PRRC1: variants seen among roughly 807,000 people sequenced by gnomAD.
The protein encoded by PRRC1 is proline rich coiled-coil 1.
PRRC1 carries 39 observed loss-of-function variants against 40.7 expected under a neutral mutation model. The ratio of observed to expected loss-of-function variants is 0.96; its 90% CI spans 0.74 to 1.25. The LOEUF is 1.25. Among genes scored for constraint, PRRC1 ranks in the 50% most tolerant of loss-of-function variants. The pLI, the probability that PRRC1 is intolerant of heterozygous loss-of-function variation, is 0.00. For synonymous variants in PRRC1, 175 were observed against 193.3 expected, an observed-to-expected ratio of 0.91 and a Z score of 0.79; for missense variants, 573 against 548.3, an observed-to-expected ratio of 1.05 and a Z score of -0.45.
intron 4 of PRRC1, among the ~76,000 whole-genome samples, chr5:127,527,757 C>CAAAA (rs11395244): frequency 1.2e-4 from 10 of 80,194 alleles, no homozygotes; most frequent in Admixed American, 5.7e-4. Flanking sequence ...GACACTGTCT[C>CAAAA]AAAAAAAAAA....
chr5:127,547,676 G>T, intron 7 of PRRC1, 143 bp from the exon 8 acceptor site: 1 of 498,154 alleles, frequency 2.0e-6, no homozygotes, highest in Admixed American at 3.7e-5. Context: ...TTTATGAATT[G>T]TCCTTTTGCA....
At chr5:127,544,095 A>G (rs1000140870) in intron 7 of PRRC1, among the ~76,000 whole-genome samples, 2 of 152,226 alleles carry the variant, frequency 1.3e-5, no homozygotes, top group African/African-American at 4.8e-5. Flanking sequence ...TCTAACAGAC[A>G]GGACCCTCAT....
In PRRC1 at chr5:127,549,026, T is replaced by G. The variant is rs1768298847; in HGVS notation, c.1128+1105T>G. ...GGATTTTCTAGGAAAATAGAAGTTT[T>G]GCCATAGTTAAGAGTATTAGGTTGA... On this transcript the variant is annotated intron_variant, in intron 8 of 8. Transcript: ENST00000296666. 3 of 152,206 alleles carry G rather than the reference T, an allele frequency of 2.0e-5. No individual in the cohort carries two copies. The South Asian group carries it at 6.2e-4, about 32-fold the overall frequency. 9.4% of individuals were successfully genotyped at this position (152,206 alleles called of 1,614,324 possible). A position where few individuals can be genotyped will look rare whatever the true frequency, so the allele number is the denominator to read the frequency against.
chr5:127,548,645 A>G (rs1356428028), intron 8 of PRRC1: 1 of 151,988 alleles, frequency 6.6e-6, no homozygotes, highest in African/African-American at 2.4e-5. Context: ...CTGCCTTTCA[A>G]ACTTATTTGG....
In PRRC1 at chr5:127,552,757, T is replaced by G; in HGVS notation, c.*841T>G. 2 of 984,678 alleles carry G rather than the reference T, an allele frequency of 2.0e-6. No individual in the cohort carries two copies. Among genetic ancestry groups the G allele is most frequent in the Non-Finnish European group, 2.4e-6 (2 of 828,844 alleles). 61.0% of individuals were successfully genotyped at this position (984,678 alleles called of 1,614,324 possible). ...ATTGTTTCTGCTTCCACTCATATTC[T>G]CTACACATTTTAATACAGAAATTTT... On this transcript the variant is annotated 3_prime_UTR_variant, in exon 9 of 9. Coordinates refer to ENST00000296666, the MANE Select transcript of PRRC1 (RefSeq NM_130809.5).
intron 5 of PRRC1, 21 bp downstream of exon 5, chr5:127,530,417 G>A (rs368475542): frequency 2.4e-5 from 38 of 1,565,260 alleles, no homozygotes; most frequent in South Asian, 3.4e-5. Context: ...AAGTTAGACC[G>A]GTATCTGCCA....
At chr5:127,542,633 C>G (rs1768081455) in intron 7 of PRRC1, among the ~76,000 whole-genome samples, 2 of 151,492 alleles carry the variant, frequency 1.3e-5, no homozygotes, top group Admixed American at 1.3e-4. Flanking sequence ...ATGTAATGGC[C>G]TTCTTTGTCT....
intron 1 of PRRC1, among the ~76,000 whole-genome samples, chr5:127,520,888 T>C (rs1219796909): frequency 1.3e-5 from 2 of 152,248 alleles, no homozygotes; most frequent in Non-Finnish European, 2.9e-5. Context: ...AGTGTAGTTA[T>C]GTAAGATGCT....
intron 4 of PRRC1, among the ~76,000 whole-genome samples, chr5:127,527,757 CAAAAAAAAA>C (rs11395244): frequency 1.2e-5 from 1 of 80,264 alleles, no homozygotes; most frequent in Non-Finnish European, 2.5e-5. Context: ...GACACTGTCT[CAAAAAAAAA>C]AAAAAAAAAA....
intron 7 of PRRC1, among the ~76,000 whole-genome samples, chr5:127,547,578 C>G (rs1161923752): frequency 1.3e-5 from 2 of 151,988 alleles, no homozygotes; most frequent in Non-Finnish European, 2.9e-5. Context: ...AGGAAGCTTT[C>G]CATGATAAGT....
intron 1 of PRRC1, among the ~76,000 whole-genome samples, chr5:127,520,438 C>A (rs1767428281): frequency 1.3e-5 from 2 of 152,152 alleles, no homozygotes; most frequent in African/African-American, 4.8e-5. Flanking sequence ...GCCTAAATGT[C>A]CTTCAGCAGG....
At chr5:127,531,230 C>T (rs968552704) in intron 5 of PRRC1, among the ~76,000 whole-genome samples, 1 of 152,178 alleles carries the variant, frequency 6.6e-6, no homozygotes, top group African/African-American at 2.4e-5. Flanking sequence ...AGGTATTTTC[C>T]TCAAGTTTTG....
rs142918416 is a variant in PRRC1 at position 127,526,785 on chromosome 5, C to G, written c.654+7C>G. 2 of 1,548,868 alleles carry G rather than the reference C, an allele frequency of 1.3e-6. No homozygotes were observed. The highest frequency in any genetic ancestry group is 2.6e-5 in the South Asian group (2 of 77,662). On this transcript the variant is annotated splice_region_variant and intron_variant, in intron 4 of 8. Coordinates refer to ENST00000296666, the MANE Select transcript of PRRC1 (RefSeq NM_130809.5). ...AATCTGGGGTTTTATTAAGGTAAGA[C>G]GTGTTTAAAAATTATGTTTAATTTT...
At chr5:127,538,659 G>A (rs1767960248) in intron 6 of PRRC1, among the ~76,000 whole-genome samples, 1 of 151,984 alleles carries the variant, frequency 6.6e-6, no homozygotes, top group Non-Finnish European at 1.5e-5. Context: ...AGAATTAACT[G>A]CAAAACTGCC....
At chr5:127,536,435 A>C (rs1767904316) in intron 6 of PRRC1, among the ~76,000 whole-genome samples, 1 of 152,110 alleles carries the variant, frequency 6.6e-6, no homozygotes, top group Non-Finnish European at 1.5e-5. Flanking sequence ...CAAGTCACAT[A>C]CTTAGATTGA....
At position 127,524,858 on chromosome 5, in the gene PRRC1, G is replaced by A. The variant is rs147277611; in HGVS notation, c.431G>A (p.Gly144Glu). 152 of 1,613,988 alleles carry A rather than the reference G, an allele frequency of 9.4e-5. No individual in the cohort carries two copies. The highest frequency in any genetic ancestry group is 1.6e-4 in the Middle Eastern group (1 of 6,084). Residue 144 changes from glycine (G) to glutamate (E), a missense_variant, in exon 3 of 9, where the codon GGA becomes GAA. Transcript: ENST00000296666. ...GGTTCAACTTATGACATTACAAGGG[G>A]ACATGCTGGGAGAGCTCCCCAGACA... Reference protein sequence around the residue: ...SVGSTYDITRGHAGRAPQTPL... With the variant: ...SVGSTYDITREHAGRAPQTPL...
At chr5:127,535,421 A>G (rs1767873193) in intron 6 of PRRC1, among the ~76,000 whole-genome samples, 1 of 152,204 alleles carries the variant, frequency 6.6e-6, no homozygotes, top group Non-Finnish European at 1.5e-5. Flanking sequence ...ATAGATCCCA[A>G]AAAGGATACC....
intron 7 of PRRC1, among the ~76,000 whole-genome samples, chr5:127,545,936 C>T (rs1024399061): frequency 6.6e-6 from 1 of 151,790 alleles, no homozygotes; most frequent in Middle Eastern, 3.4e-3. Context: ...TGCTTGCTCT[C>T]ATAATTATTT....
chr5:127,547,141 G>A (rs1314142009), intron 7 of PRRC1, among the ~76,000 whole-genome samples: 1 of 151,906 alleles, frequency 6.6e-6, no homozygotes, highest in Non-Finnish European at 1.5e-5. Context: ...GAGGGTATCT[G>A]GCTGTTTCAT....
Sources: allele counts gnomAD v4.1 joint callset (sites outside exome capture counted in the v4.1 genomes callset), GRCh38; gene constraint gnomAD v4.1.1; transcripts MANE v1.5; gene names NCBI Gene and HGNC (gene_info 2026-07-23, HGNC 2026-07-21).